USP12: variants seen among roughly 807,000 people sequenced by gnomAD.
USP12 encodes ubiquitin carboxyl-terminal hydrolase 12.
Under a neutral mutation model 45.5 loss-of-function variants are expected in USP12, and 19 were observed. The observed-to-expected ratio is 0.42, with a 90% CI of 0.29 to 0.61. The LOEUF (loss-of-function observed/expected upper bound fraction) is 0.61, where lower values mean the gene tolerates loss of function less well. USP12 is among the 20% of genes least tolerant of loss of function. The pLI, the probability that USP12 is intolerant of heterozygous loss-of-function variation, is 0.22. For missense variants in USP12, 242 were observed against 447.7 expected (o/e 0.54, Z 4.15); for synonymous variants, 149 against 148.8 (o/e 1.00, Z -0.01).
intron 6 of USP12, among the ~76,000 whole-genome samples, chr13:27,076,029 CAAAA>C (rs11458818): frequency 1.0e-5 from 1 of 98,040 alleles, no homozygotes; most frequent in African/African-American, 4.3e-5. Flanking sequence ...GGCTCCGTCT[CAAAA>C]AAAAAAAAAA....
At chr13:27,070,232 T>C (rs1240986321) in intron 8 of USP12, among the ~76,000 whole-genome samples, 1 of 152,226 alleles carries the variant, frequency 6.6e-6, no homozygotes, top group Non-Finnish European at 1.5e-5. Context: ...AGTCCATTTA[T>C]ATTCAAGCCT....
intron 1 of USP12, among the ~76,000 whole-genome samples, chr13:27,144,741 T>C (rs985164231): frequency 7.3e-6 from 1 of 137,104 alleles, no homozygotes; most frequent in East Asian, 2.0e-4. Context: ...AGTTTTGTTT[T>C]TTGTTGTTTT....
At chr13:27,134,152 G>A (rs957786114) in intron 1 of USP12, among the ~76,000 whole-genome samples, 2 of 152,104 alleles carry the variant, frequency 1.3e-5, no homozygotes, top group African/African-American at 4.8e-5. Flanking sequence ...AAAAATAAAT[G>A]TTTAATTAGT....
chr13:27,171,539 C>G, intron 1 of USP12, 53 bp downstream of exon 1: 1 of 1,135,422 alleles, frequency 8.8e-7, no homozygotes, highest in Non-Finnish European at 1.1e-6. Context: ...CCAGCGCCGC[C>G]CGCCCGCCCG....
chr13:27,168,153 T>C (rs550255391), intron 1 of USP12, among the ~76,000 whole-genome samples: 2 of 152,276 alleles, frequency 1.3e-5, no homozygotes, highest in East Asian at 1.9e-4. Flanking sequence ...ATTACCACCA[T>C]GTTCTAATGG....
At chr13:27,156,854 T>C (rs896789808) in intron 1 of USP12, among the ~76,000 whole-genome samples, 1 of 151,868 alleles carries the variant, frequency 6.6e-6, no homozygotes, top group East Asian at 1.9e-4. Flanking sequence ...GAAAAAATGA[T>C]TTTATGGTTG....
chr13:27,151,084 T>G (rs1347715559), intron 1 of USP12, among the ~76,000 whole-genome samples: 2 of 152,112 alleles, frequency 1.3e-5, no homozygotes, highest in Non-Finnish European at 2.9e-5. Flanking sequence ...ATCCCAGCAC[T>G]TTGGGAGGCC....
At chr13:27,135,704 G>A (rs964800932) in intron 1 of USP12, among the ~76,000 whole-genome samples, 3 of 152,064 alleles carry the variant, frequency 2.0e-5, no homozygotes, top group African/African-American at 7.2e-5. Context: ...GACAGAGTGA[G>A]ACTCTGTCTC....
intron 1 of USP12, among the ~76,000 whole-genome samples, chr13:27,156,164 G>C (rs911716060): frequency 4.7e-5 from 7 of 148,606 alleles, no homozygotes; most frequent in African/African-American, 5.0e-5. Flanking sequence ...CTGCAAACCA[G>C]AAGTACACAT....
Position 27,075,325 on chromosome 13 carries a change from A to C in USP12, c.798T>G (p.Asp266Glu). The change falls in exon 7 of 9, where the codon GAT becomes GAG. Residue 266 changes from aspartate (D) to glutamate (E), a missense_variant. Physicochemically the swap from Asp to Glu is conservative, Grantham distance 45. Around this residue, in one of 5 missense-constraint regions of USP12, gnomAD observed 94 missense variants for 168.3 expected, o/e 0.56. Coordinates refer to ENST00000282344, the MANE Select transcript of USP12 (RefSeq NM_182488.4). ...ALHLKRFKYM[D>E]QLHRYTKLSY... ...AGAGTTTTGTATATCGATGAAGTTG[A>C]TCCATATATTTAAATCTCTTCAGGT... 6.2e-7 allele frequency: 1 copy of C among 1,614,190 alleles called. No individual in the cohort carries two copies. Among genetic ancestry groups the C allele is most frequent in the East Asian group, 2.2e-5 (1 of 44,874 alleles).
At chr13:27,134,206 A>G (rs554661600) in intron 1 of USP12, among the ~76,000 whole-genome samples, 2 of 152,342 alleles carry the variant, frequency 1.3e-5, no homozygotes, top group East Asian at 3.9e-4. Flanking sequence ...TAAATGAAAA[A>G]GACTAAAGAA....
chr13:27,156,886 T>C (rs1877868570), intron 1 of USP12, among the ~76,000 whole-genome samples: 1 of 152,112 alleles, frequency 6.6e-6, no homozygotes, highest in Non-Finnish European at 1.5e-5. Context: ...AAGAAGCATC[T>C]ACACCTACAT....
At chr13:27,128,018 T>C (rs1281969746) in intron 1 of USP12, among the ~76,000 whole-genome samples, 3 of 152,236 alleles carry the variant, frequency 2.0e-5, no homozygotes, top group African/African-American at 7.2e-5. Context: ...ATTCCGATTA[T>C]TTTATTCAGT....
intron 1 of USP12, among the ~76,000 whole-genome samples, chr13:27,136,017 T>C (rs552469044): frequency 1.3e-5 from 2 of 152,308 alleles, no homozygotes; most frequent in South Asian, 4.1e-4. Context: ...CAAAATATTA[T>C]TTTAAACAGA....
intron 1 of USP12, among the ~76,000 whole-genome samples, chr13:27,168,399 C>G (rs1036149871): frequency 1.3e-5 from 2 of 152,234 alleles, no homozygotes; most frequent in African/African-American, 4.8e-5. Flanking sequence ...AAAGCAGGGG[C>G]TGTCCTGACC....
At chr13:27,085,558 G>T (rs832780) in intron 6 of USP12, among the ~76,000 whole-genome samples, 149,536 of 152,150 alleles carry the variant, frequency 0.98, 73,540 homozygotes, top group East Asian at 1. Context: ...ATTCCAAGAC[G>T]GAGAACTATA....
At chr13:27,113,538 T>C (rs557257303) in intron 2 of USP12, among the ~76,000 whole-genome samples, 2 of 152,126 alleles carry the variant, frequency 1.3e-5, no homozygotes, top group Admixed American at 6.6e-5. Context: ...AGACATTGAG[T>C]ACCTCACCCA....
intron 6 of USP12, among the ~76,000 whole-genome samples, chr13:27,088,416 C>CAAAAA (rs11323861): frequency 5.3e-5 from 5 of 93,604 alleles, no homozygotes; most frequent in Non-Finnish European, 7.9e-5. Flanking sequence ...GACTCCGTCT[C>CAAAAA]AAAAAAAAAA....
intron 1 of USP12, among the ~76,000 whole-genome samples, chr13:27,163,120 A>G (rs1191974161): frequency 6.6e-6 from 1 of 152,122 alleles, no homozygotes; most frequent in Non-Finnish European, 1.5e-5. Context: ...TGAAAAATCA[A>G]TGTAATTCAA....
Sources: gnomAD v4.1 joint callset for allele counts (sites outside exome capture counted in the v4.1 genomes callset) on GRCh38, gnomAD v4.1.1 for gene constraint, gnomAD v4.1.1 regional missense constraint, MANE v1.5 for transcripts, NCBI Gene and HGNC (gene_info 2026-07-23, HGNC 2026-07-21) for gene names.